Variants in C17orf67 observed in about 807,000 individuals in gnomAD.
C17orf67 encodes uncharacterized protein C17orf67.
In C17orf67, 12 loss-of-function variants were observed where a neutral mutation model predicts 11.2. The ratio of observed to expected loss-of-function variants is 1.07; its 90% CI spans 0.68 to 1.73. C17orf67 has a LOEUF of 1.73. Among genes scored for constraint, C17orf67 ranks in the 40% most tolerant of loss-of-function variants. The probability of loss-of-function intolerance (pLI) is 0.00; values close to 1 mark genes in which losing one functional copy is unlikely to be tolerated. For missense variants in C17orf67, 115 were observed against 113.5 expected, an observed-to-expected ratio of 1.01 and a Z score of -0.06; for synonymous variants, 59 against 46.9, an observed-to-expected ratio of 1.26 and a Z score of -1.05.
chr17:56,814,861 G>A lies in C17orf67; in HGVS notation c.156+8C>T. 6.2e-7 allele frequency: 1 copy of A among 1,612,630 alleles called. No homozygotes were observed. The highest frequency in any genetic ancestry group is 8.5e-7 in the Non-Finnish European group (1 of 1,178,664). On this transcript the variant is annotated splice_region_variant and intron_variant, in intron 6 of 7. Transcript: ENST00000397861. Reference sequence around the variant, plus strand: ...TTTTCTTTAAAACTGCCAGAGCAAAGCACTCACCCGCATTGGCTCATCGGG... The same window carrying A: ...TTTTCTTTAAAACTGCCAGAGCAAAACACTCACCCGCATTGGCTCATCGGG...
intron 4 of C17orf67, among the ~76,000 whole-genome samples, chr17:56,818,219 T>C (rs758281281): frequency 6.6e-6 from 1 of 152,114 alleles, no homozygotes; most frequent in Non-Finnish European, 1.5e-5. Context: ...TGTATGTGTA[T>C]ATTCAAATTT....
chr17:56,829,084 G>A (rs1906121236), intron 2 of C17orf67, among the ~76,000 whole-genome samples: 1 of 152,052 alleles, frequency 6.6e-6, no homozygotes, highest in African/African-American at 2.4e-5. Flanking sequence ...TTCAAGACCA[G>A]CCTGGCCAGC....
In C17orf67 at chr17:56,833,096, C is replaced by A. The variant is rs569899113; in HGVS notation, c.-755G>T. 6.6e-6 allele frequency: 1 copy of A among 152,258 alleles called. No homozygotes were observed. Among genetic ancestry groups the A allele is most frequent in the Non-Finnish European group, 1.5e-5 (1 of 68,052 alleles). The allele number at this position is 152,258 out of a possible 1,614,324, so 9.4% of individuals were successfully genotyped here. On this transcript the variant is annotated 5_prime_UTR_variant, in exon 2 of 8. Coordinates refer to ENST00000397861, the MANE Select transcript of C17orf67 (RefSeq NM_001085430.4). ...AAGTCCGCAAGCAACAAGTGGTCCTCGGCTCCCACTCCTATGTATGTATGT... is the reference window on the plus strand; with the variant it reads ...AAGTCCGCAAGCAACAAGTGGTCCTAGGCTCCCACTCCTATGTATGTATGT...
intron 5 of C17orf67, among the ~76,000 whole-genome samples, chr17:56,815,432 A>C (rs540492666): frequency 6.6e-6 from 1 of 152,326 alleles, no homozygotes; most frequent in Non-Finnish European, 1.5e-5. Flanking sequence ...ATTACTTGCA[A>C]ATTCTAAAAG....
At chr17:56,832,075 T>C (rs929583910) in intron 2 of C17orf67, among the ~76,000 whole-genome samples, 1 of 152,208 alleles carries the variant, frequency 6.6e-6, no homozygotes, top group South Asian at 2.1e-4. Flanking sequence ...GCCTCCCAAG[T>C]AGCTGGGACT....
At chr17:56,804,878 G>A (rs1905407993) in intron 6 of C17orf67, among the ~76,000 whole-genome samples, 1 of 152,170 alleles carries the variant, frequency 6.6e-6, no homozygotes, top group Non-Finnish European at 1.5e-5. Context: ...AGTAGATTAA[G>A]AGAAATTTAA....
chr17:56,807,135 G>A (rs939773925), intron 6 of C17orf67, among the ~76,000 whole-genome samples: 3 of 152,200 alleles, frequency 2.0e-5, no homozygotes, highest in Non-Finnish European at 2.9e-5. Flanking sequence ...GCCACATGGA[G>A]GGCAGAGCCC....
intron 6 of C17orf67, among the ~76,000 whole-genome samples, chr17:56,813,435 T>C (rs1905679793): frequency 6.6e-6 from 1 of 151,976 alleles, no homozygotes; most frequent in African/African-American, 2.4e-5. Flanking sequence ...GATCCCAGAC[T>C]TCAATCATGG....
chr17:56,826,355 C>T (rs1906032004), intron 2 of C17orf67, among the ~76,000 whole-genome samples: 1 of 152,206 alleles, frequency 6.6e-6, no homozygotes, highest in Non-Finnish European at 1.5e-5. Flanking sequence ...GACACTTTCA[C>T]ACACTGTGCA....
chr17:56,794,700 T>A (rs1227290858), intron 7 of C17orf67, among the ~76,000 whole-genome samples: 2 of 152,200 alleles, frequency 1.3e-5, no homozygotes, highest in African/African-American at 2.4e-5. Flanking sequence ...ACTCCACGAA[T>A]GCTGAGCCCA....
chr17:56,813,213 C>T (rs1214098269), intron 6 of C17orf67, among the ~76,000 whole-genome samples: 1 of 151,850 alleles, frequency 6.6e-6, no homozygotes, highest in Non-Finnish European at 1.5e-5. Flanking sequence ...AGAGCCCCCA[C>T]CCCCAACCCG....
At chr17:56,831,538 C>T (rs1906201797) in intron 2 of C17orf67, among the ~76,000 whole-genome samples, 1 of 152,152 alleles carries the variant, frequency 6.6e-6, no homozygotes, top group Non-Finnish European at 1.5e-5. Flanking sequence ...CGTGGAGGAT[C>T]ATTGGGGCGT....
At chr17:56,819,258 C>A (rs967908702) in intron 4 of C17orf67, among the ~76,000 whole-genome samples, 1 of 152,094 alleles carries the variant, frequency 6.6e-6, no homozygotes, top group African/African-American at 2.4e-5. Context: ...CTTTTTCTCC[C>A]TCTTTTAATG....
intron 6 of C17orf67, among the ~76,000 whole-genome samples, chr17:56,804,487 A>G (rs1482393365): frequency 6.6e-6 from 1 of 152,248 alleles, no homozygotes; most frequent in Non-Finnish European, 1.5e-5. Flanking sequence ...AAGGCAGAAC[A>G]GTGCTGTGGG....
chr17:56,814,226 G>A (rs1905699127), intron 6 of C17orf67, among the ~76,000 whole-genome samples: 1 of 152,154 alleles, frequency 6.6e-6, no homozygotes, highest in African/African-American at 2.4e-5. Context: ...CCCTTCACTG[G>A]GTGGGGCTAA....
At chr17:56,831,540 T>C (rs79899681) in intron 2 of C17orf67, among the ~76,000 whole-genome samples, 8,857 of 152,178 alleles carry the variant, frequency 0.058, 300 homozygotes, top group Admixed American at 0.1. Context: ...TGGAGGATCA[T>C]TGGGGCGTGA....
intron 6 of C17orf67, among the ~76,000 whole-genome samples, chr17:56,813,390 G>C (rs1905679190): frequency 6.6e-6 from 1 of 151,678 alleles, no homozygotes; most frequent in South Asian, 2.1e-4. Flanking sequence ...GCCCTTTCAG[G>C]GTTCCTCTTC....
chr17:56,820,587 C>T (rs918061849), intron 4 of C17orf67, among the ~76,000 whole-genome samples: 1 of 152,082 alleles, frequency 6.6e-6, no homozygotes, highest in Non-Finnish European at 1.5e-5. Context: ...GACAGTGGCC[C>T]GGGGCTGGAA....
At chr17:56,828,648 G>A (rs1050298203) in intron 2 of C17orf67, among the ~76,000 whole-genome samples, 2 of 152,182 alleles carry the variant, frequency 1.3e-5, no homozygotes, top group South Asian at 2.1e-4. Flanking sequence ...TTAACATATT[G>A]AAGATTGGGA....
Sources: gnomAD v4.1 joint callset for allele counts (sites outside exome capture counted in the v4.1 genomes callset) on GRCh38, gnomAD v4.1.1 for gene constraint, MANE v1.5 for transcripts, NCBI Gene and HGNC (gene_info 2026-07-23, HGNC 2026-07-21) for gene names.